The following CSMD1 variants were observed in gnomAD, a reference collection of about 807,000 sequenced individuals.
CSMD1 encodes the protein CUB and Sushi multiple domains 1.
A neutral mutation model predicts 417.5 loss-of-function variants in CSMD1; 213 were observed. That is an observed-to-expected ratio of 0.51 (90% CI 0.46 to 0.57). The LOEUF is 0.57. Ranked by LOEUF, CSMD1 falls within the 20% of genes least tolerant of loss-of-function variation. The pLI is 0.00. For missense variants in CSMD1, 6,923 were observed against 4,529.7 expected (o/e 1.53, Z -15.17); for synonymous variants, 2,862 against 1,736.8 (o/e 1.65, Z -16.11).
intron 5 of CSMD1, among the ~76,000 whole-genome samples, chr8:3,969,568 G>A (rs752023645): frequency 3.3e-5 from 5 of 152,082 alleles, no homozygotes; most frequent in Non-Finnish European, 2.9e-5. Flanking sequence ...CAGAAAATAG[G>A]TGACGGCATA....
chr8:4,025,412 G>C (rs1046183380), intron 4 of CSMD1, among the ~76,000 whole-genome samples: 2 of 152,168 alleles, frequency 1.3e-5, no homozygotes, highest in Non-Finnish European at 2.9e-5. Flanking sequence ...ATCCTAGGCT[G>C]TACCATTATT....
chr8:3,165,673 C>CCACCT (rs1346016722), intron 37 of CSMD1, among the ~76,000 whole-genome samples: 1 of 152,020 alleles, frequency 6.6e-6, no homozygotes, highest in East Asian at 1.9e-4. Context: ...ACCTCGTGAT[C>CCACCT]CACCTGCCTC....
rs755114757 is a variant in CSMD1, at chr8:3,493,603, A to C, written c.1448+20T>G. 47 of 1,576,982 alleles carry C rather than the reference A, an allele frequency of 3.0e-5. No homozygotes were observed. Among genetic ancestry groups the C allele is most frequent in the Middle Eastern group, 1.7e-4 (1 of 6,020 alleles). The stretch of plus-strand genomic sequence containing the variant: ...CGCACTGCATGCATAAGAGAAGAAG[A>C]AGCTCAAGGACATACTCACACGTAC... On this transcript the variant is annotated intron_variant, in intron 11 of 69. Coordinates refer to ENST00000635120, the MANE Select transcript of CSMD1 (RefSeq NM_033225.6).
intron 5 of CSMD1, among the ~76,000 whole-genome samples, chr8:3,985,278 C>T (rs1413093671): frequency 6.6e-6 from 1 of 152,166 alleles, no homozygotes; most frequent in Non-Finnish European, 1.5e-5. Flanking sequence ...ACACCATGCA[C>T]AAAGCACATT....
chr8:3,607,225 T>A (rs559048946), intron 8 of CSMD1, among the ~76,000 whole-genome samples: 11 of 152,202 alleles, frequency 7.2e-5, no homozygotes, highest in Non-Finnish European at 1.2e-4. Flanking sequence ...ATCATTAATA[T>A]CACTGTTTTC....
Position 2,936,307 on chromosome 8 carries a change from T to C in CSMD1, c.*2278A>G, listed in dbSNP as rs1453421643. 1 of 151,858 alleles carries C rather than the reference T, an allele frequency of 6.6e-6. No homozygotes were observed. Among genetic ancestry groups the C allele is most frequent in the Non-Finnish European group, 1.5e-5 (1 of 68,016 alleles). 9.4% of individuals were successfully genotyped at this position (151,858 alleles called of 1,614,324 possible). A position where few individuals can be genotyped will look rare whatever the true frequency, so the allele number is the denominator to read the frequency against. On this transcript the variant is annotated 3_prime_UTR_variant, in exon 70 of 70. Coordinates refer to ENST00000635120, the MANE Select transcript of CSMD1 (RefSeq NM_033225.6). ...GTCAGGGATATGGGAACAGAGATGT[T>C]AATTCAGACTCTGAAGTCAGCATTT... is the stretch of plus-strand genomic sequence containing the variant.
Position 3,207,438 on chromosome 8 carries a change from C to T in CSMD1, c.4868-1818G>A, listed in dbSNP as rs534675727. 3.3e-3 allele frequency among the ~76,000 whole-genome samples: 501 copies of T among 151,986 alleles called. 5 individuals are homozygous for T. Among genetic ancestry groups the T allele is most frequent in the African/African-American group, 0.011 (467 of 41,450 alleles). The stretch of plus-strand genomic sequence containing the variant: ...GATTACAAACGTGAGCCACTGAGTC[C>T]GGCCACAATGGCAATTTTCAAGCCT... On this transcript the variant is annotated intron_variant, in intron 30 of 69. Coordinates refer to ENST00000635120, the MANE Select transcript of CSMD1 (RefSeq NM_033225.6).
chr8:4,003,953 A>T (rs1815904434), intron 4 of CSMD1, among the ~76,000 whole-genome samples: 1 of 149,916 alleles, frequency 6.7e-6, no homozygotes, highest in Admixed American at 6.7e-5. Flanking sequence ...AACAAAACAA[A>T]AAAACCATCA....
At chr8:3,989,408 C>G (rs185742464) in intron 5 of CSMD1, among the ~76,000 whole-genome samples, 12 of 152,234 alleles carry the variant, frequency 7.9e-5, no homozygotes, top group African/African-American at 2.4e-4. Context: ...GGACATTGCC[C>G]AACACTCTCC....
At chr8:4,235,208 G>T (rs895543875) in intron 3 of CSMD1, among the ~76,000 whole-genome samples, 5 of 152,026 alleles carry the variant, frequency 3.3e-5, no homozygotes, top group African/African-American at 9.7e-5. Flanking sequence ...ACTCAAGAAT[G>T]GACCAAGGGT....
chr8:4,152,883 T>C lies in CSMD1; in HGVS notation c.416-120784A>G, dbSNP rs143506123. ...GGAGAAATGAGAAATTAACATCAAA[T>C]TAGACTTAAGATTTTTCTCAAAAAC... On this transcript the variant is annotated intron_variant, in intron 3 of 69. Coordinates refer to ENST00000635120, the MANE Select transcript of CSMD1 (RefSeq NM_033225.6). 3.0e-4 allele frequency among the ~76,000 whole-genome samples: 46 copies of C among 152,250 alleles called. 1 individual carries two copies. In the East Asian group the frequency reaches 8.9e-3, roughly 29 times the overall value.
intron 36 of CSMD1, among the ~76,000 whole-genome samples, chr8:3,186,003 T>G (rs1403399260): frequency 6.6e-6 from 1 of 152,104 alleles, no homozygotes; most frequent in African/African-American, 2.4e-5. Flanking sequence ...TTTTAATTTA[T>G]TTTTCCCAGG....
At chr8:4,299,869 T>C (rs1156272087) in intron 3 of CSMD1, among the ~76,000 whole-genome samples, 1 of 152,070 alleles carries the variant, frequency 6.6e-6, no homozygotes, top group Non-Finnish European at 1.5e-5. Flanking sequence ...GACTTCATGA[T>C]CTGCCCACCT....
intron 41 of CSMD1, among the ~76,000 whole-genome samples, chr8:3,138,452 G>C (rs1170510699): frequency 1.6e-4 from 24 of 152,130 alleles, no homozygotes; most frequent in Admixed American, 1.6e-3. Flanking sequence ...ACTTCATTTT[G>C]AAGGCACCTC....
At chr8:3,700,869 T>C (rs1002883591) in intron 7 of CSMD1, among the ~76,000 whole-genome samples, 1 of 151,892 alleles carries the variant, frequency 6.6e-6, no homozygotes, top group African/African-American at 2.4e-5. Context: ...CGTTTGAGGG[T>C]CTGGAGAAGA....
At chr8:3,614,993 T>C (rs1406340795) in intron 8 of CSMD1, among the ~76,000 whole-genome samples, 3 of 152,190 alleles carry the variant, frequency 2.0e-5, no homozygotes, top group Admixed American at 2.0e-4. Flanking sequence ...ATACATAGAA[T>C]GGGGAGCCCT....
intron 1 of CSMD1, among the ~76,000 whole-genome samples, chr8:4,668,749 A>G (rs1805111376): frequency 6.6e-6 from 1 of 152,042 alleles, no homozygotes; most frequent in Non-Finnish European, 1.5e-5. Context: ...ACCTCTCTCT[A>G]GATAGTTTTC....
At chr8:3,035,547 A>G (rs149877366) in intron 50 of CSMD1, among the ~76,000 whole-genome samples, 99 of 152,310 alleles carry the variant, frequency 6.5e-4, no homozygotes, top group African/African-American at 2.2e-3. Context: ...AAAATGAGTA[A>G]CTCCAAGCAT....
intron 1 of CSMD1, chr8:4,787,341 G>T (rs973062289): frequency 4.1e-6 from 3 of 734,204 alleles, no homozygotes; most frequent in Non-Finnish European, 7.4e-6. Context: ...AATGGCGACA[G>T]CTGAGGTACT....
Sources: gnomAD v4.1 joint callset for allele counts (sites outside exome capture counted in the v4.1 genomes callset) on GRCh38, gnomAD v4.1.1 for gene constraint, MANE v1.5 for transcripts, NCBI Gene and HGNC (gene_info 2026-07-23, HGNC 2026-07-21) for gene names.